SLC8A3: variants seen among roughly 807,000 people sequenced by gnomAD.
SLC8A3 encodes the protein sodium/calcium exchanger 3.
Under a neutral mutation model 65.4 loss-of-function variants are expected in SLC8A3, and 37 were observed. That is an observed-to-expected ratio of 0.57 (90% confidence interval 0.44 to 0.74). The LOEUF (loss-of-function observed/expected upper bound fraction) is 0.74. Among genes scored for constraint, SLC8A3 ranks in the 30% least tolerant of loss-of-function variants. SLC8A3 has a pLI of 0.00. For missense variants in SLC8A3, 1,112 were observed against 1,172.1 expected, an observed-to-expected ratio of 0.95 and a Z score of 0.75; for synonymous variants, 461 against 444.5, an observed-to-expected ratio of 1.04 and a Z score of -0.47.
chr14:70,136,716 T>C (rs1010818010), intron 2 of SLC8A3, among the ~76,000 whole-genome samples: 2 of 152,214 alleles, frequency 1.3e-5, no homozygotes, highest in Non-Finnish European at 2.9e-5. Flanking sequence ...ACAACACCCA[T>C]CTCAACCTAA....
chr14:70,053,057 T>C (rs1887681712), intron 3 of SLC8A3, among the ~76,000 whole-genome samples: 2 of 152,210 alleles, frequency 1.3e-5, no homozygotes, highest in South Asian at 4.1e-4. Context: ...TTATATTTTA[T>C]GTAAGAATTT....
At chr14:70,103,858 G>A (rs1415692073) in intron 2 of SLC8A3, among the ~76,000 whole-genome samples, 1 of 151,960 alleles carries the variant, frequency 6.6e-6, no homozygotes, top group Non-Finnish European at 1.5e-5. Flanking sequence ...AAATAATCAA[G>A]ACACAATTAA....
chr14:70,099,306 A>G (rs888360493), intron 2 of SLC8A3, among the ~76,000 whole-genome samples: 3 of 152,250 alleles, frequency 2.0e-5, no homozygotes, highest in Non-Finnish European at 2.9e-5. Context: ...TGTGACAGAA[A>G]GAAGAATACG....
At chr14:70,080,221 T>A (rs781623398) in intron 2 of SLC8A3, 1 of 985,450 alleles carries the variant, frequency 1.0e-6, no homozygotes, top group Non-Finnish European at 1.2e-6. Context: ...TATATTTAGA[T>A]GCCTTAGCGC....
intron 2 of SLC8A3, among the ~76,000 whole-genome samples, chr14:70,072,592 T>A (rs1321779126): frequency 1.1e-5 from 1 of 93,012 alleles, no homozygotes; most frequent in East Asian, 2.5e-4. Context: ...TGTCTATCTA[T>A]CCGTCCATCC....
At chr14:70,171,133 C>G (rs1288323184) in intron 1 of SLC8A3, among the ~76,000 whole-genome samples, 2 of 152,182 alleles carry the variant, frequency 1.3e-5, no homozygotes, top group African/African-American at 4.8e-5. Context: ...GCAGCGATGA[C>G]AGATGGTAGG....
intron 2 of SLC8A3, among the ~76,000 whole-genome samples, chr14:70,154,594 C>T (rs1313740745): frequency 1.3e-5 from 2 of 152,198 alleles, no homozygotes; most frequent in Non-Finnish European, 2.9e-5. Flanking sequence ...AGAGAAGTAC[C>T]ATGCAGTAGG....
intron 2 of SLC8A3, among the ~76,000 whole-genome samples, chr14:70,102,016 G>A (rs1170472562): frequency 2.0e-5 from 3 of 152,176 alleles, no homozygotes; most frequent in Non-Finnish European, 4.4e-5. Flanking sequence ...GGGCCCAGAT[G>A]TTTCTATGGG....
Position 70,168,003 on chromosome 14 carries a change from G to T in SLC8A3, c.420C>A (p.Ala140=). ...NETVSNLTLM[A]LGSSAPEILL... is the part of the protein sequence containing the mutation. ...GTATCTCAGGAGCAGAGGAACCCAG[G>T]GCCATAAGGGTCAGGTTGGAGACAG... The change falls in exon 2 of 7, where the codon GCC becomes GCA. Residue 140 remains alanine, a synonymous_variant. Transcript: ENST00000356921. The T allele has an allele frequency of 1.2e-6, 2 of 1,614,128 alleles. No individual in the cohort carries two copies. Among genetic ancestry groups the T allele is most frequent in the South Asian group, 2.2e-5 (2 of 91,068 alleles).
chr14:70,066,387 C>G (rs1372687010), intron 2 of SLC8A3, among the ~76,000 whole-genome samples: 1 of 152,224 alleles, frequency 6.6e-6, no homozygotes, highest in Non-Finnish European at 1.5e-5. Flanking sequence ...GCACCATCAT[C>G]TAACAAATTG....
intron 2 of SLC8A3, among the ~76,000 whole-genome samples, chr14:70,117,761 C>G (rs543123723): frequency 2.0e-5 from 3 of 152,296 alleles, no homozygotes; most frequent in Non-Finnish European, 4.4e-5. Flanking sequence ...ACACCTCCAA[C>G]CACCTCCTTT....
chr14:70,066,609 A>G (rs1443799083), intron 2 of SLC8A3, among the ~76,000 whole-genome samples: 1 of 152,142 alleles, frequency 6.6e-6, no homozygotes, highest in East Asian at 1.9e-4. Flanking sequence ...TCAGGAGCTC[A>G]AGACCAGCCT....
At chr14:70,160,549 T>C (rs999618) in intron 2 of SLC8A3, among the ~76,000 whole-genome samples, 25,113 of 152,078 alleles carry the variant, frequency 0.17, 2,483 homozygotes, top group Non-Finnish European at 0.22. Flanking sequence ...TCGGAGTAGT[T>C]CTGGAATCAA....
intron 2 of SLC8A3, among the ~76,000 whole-genome samples, chr14:70,066,947 G>C (rs921883270): frequency 2.6e-5 from 4 of 152,094 alleles, no homozygotes; most frequent in African/African-American, 7.2e-5. Flanking sequence ...TTATAGCCAG[G>C]GTTAACTATT....
chr14:70,162,755 G>T (rs931549157), intron 2 of SLC8A3, among the ~76,000 whole-genome samples: 26 of 152,130 alleles, frequency 1.7e-4, no homozygotes, highest in African/African-American at 5.6e-4. Context: ...CTATAGTGAT[G>T]GTTGCAAAGG....
Position 70,091,676 on chromosome 14 carries a change from G to A in SLC8A3, c.1785-30737C>T, listed in dbSNP as rs183440227. On this transcript the variant is annotated intron_variant, in intron 2 of 6. Coordinates refer to ENST00000356921, the MANE Select transcript of SLC8A3 (RefSeq NM_182932.3). ...GATCATTTGAATCACCATCTTTTAC[G>A]TTCTATTTTAACTTGAGGCAACATA... is the stretch of plus-strand genomic sequence containing the variant. Among the ~76,000 whole-genome samples the A allele has an allele frequency of 2.8e-4, 43 of 152,146 alleles. No homozygotes were observed. In the East Asian group the frequency reaches 4.8e-3, roughly 17 times the overall value.
At chr14:70,134,355 G>A (rs1451534014) in intron 2 of SLC8A3, among the ~76,000 whole-genome samples, 1 of 152,138 alleles carries the variant, frequency 6.6e-6, no homozygotes, top group African/African-American at 2.4e-5. Context: ...ATTGTTGACT[G>A]GGGAGGGGGA....
At chr14:70,152,898 C>T (rs1896360322) in intron 2 of SLC8A3, among the ~76,000 whole-genome samples, 1 of 152,126 alleles carries the variant, frequency 6.6e-6, no homozygotes, top group African/African-American at 2.4e-5. Context: ...ATTACATGCT[C>T]CCTGGAGAGA....
intron 1 of SLC8A3, among the ~76,000 whole-genome samples, chr14:70,178,916 T>C (rs986366507): frequency 2.0e-5 from 3 of 152,218 alleles, no homozygotes; most frequent in African/African-American, 7.2e-5. Context: ...AGATAGATCA[T>C]GCAATTCTTT....
Sources: gnomAD v4.1 joint callset for allele counts (sites outside exome capture counted in the v4.1 genomes callset) on GRCh38, gnomAD v4.1.1 for gene constraint, MANE v1.5 for transcripts, NCBI Gene and HGNC (gene_info 2026-07-23, HGNC 2026-07-21) for gene names.